COL26A1: variants seen among roughly 807,000 people sequenced by gnomAD.
COL26A1 encodes collagen alpha-1(XXVI) chain.
A neutral mutation model predicts 59.3 loss-of-function variants in COL26A1; 41 were observed. The ratio of observed to expected loss-of-function variants is 0.69; its 90% confidence interval spans 0.54 to 0.90. COL26A1 has a LOEUF of 0.90. COL26A1 is among the 40% of genes least tolerant of loss of function. COL26A1 has a pLI of 0.00. For missense variants in COL26A1, 612 were observed against 602.3 expected (o/e 1.02, Z -0.17); for synonymous variants, 266 against 256.0 (o/e 1.04, Z -0.37).
At chr7:101,496,871 C>A (rs1794600121) in intron 3 of COL26A1, among the ~76,000 whole-genome samples, 3 of 146,414 alleles carry the variant, frequency 2.0e-5, no homozygotes, top group Admixed American at 1.4e-4. Flanking sequence ...CACAGTGAGA[C>A]CCTGTCTCAA....
chr7:101,549,106 T>C (rs1795805459), intron 8 of COL26A1, 65 bp from the exon 9 acceptor site: 3 of 809,762 alleles, frequency 3.7e-6, no homozygotes. Context: ...GAACAGGTGC[T>C]GGGGTGGGAG....
chr7:101,386,059 A>C (rs981933112), intron 1 of COL26A1, among the ~76,000 whole-genome samples: 2 of 152,020 alleles, frequency 1.3e-5, no homozygotes, highest in Non-Finnish European at 2.9e-5. Flanking sequence ...GGAATAAAAA[A>C]CCTCAAAACC....
chr7:101,430,566 GGT>G (rs1188556372), intron 2 of COL26A1, among the ~76,000 whole-genome samples: 1 of 151,802 alleles, frequency 6.6e-6, no homozygotes, highest in African/African-American at 2.4e-5. Context: ...TGGGATTATA[GGT>G]GTGAGTCACC....
chr7:101,510,972 C>T (rs1794910906), intron 3 of COL26A1, among the ~76,000 whole-genome samples: 1 of 146,952 alleles, frequency 6.8e-6, no homozygotes, highest in Non-Finnish European at 1.5e-5. Context: ...ACGATGTCGG[C>T]TCACTGCAAG....
chr7:101,420,692 A>C (rs1002415964), intron 2 of COL26A1, among the ~76,000 whole-genome samples: 2 of 30,324 alleles, frequency 6.6e-5, no homozygotes, highest in South Asian at 8.1e-4. Context: ...CACGCCCCTC[A>C]CCAGCCACAC....
intron 3 of COL26A1, among the ~76,000 whole-genome samples, chr7:101,477,139 C>T (rs777063043): frequency 1.4e-4 from 21 of 152,218 alleles, no homozygotes; most frequent in African/African-American, 3.6e-4. Flanking sequence ...CCACCGAGCC[C>T]GGCCTCTGGT....
chr7:101,449,111 C>T (rs1161897834), intron 3 of COL26A1, among the ~76,000 whole-genome samples: 9 of 152,154 alleles, frequency 5.9e-5, no homozygotes, highest in African/African-American at 2.4e-5. Flanking sequence ...GCTGGGCTAT[C>T]CTTGTTGGAG....
chr7:101,483,909 T>G (rs944929075), intron 3 of COL26A1, among the ~76,000 whole-genome samples: 1 of 151,076 alleles, frequency 6.6e-6, no homozygotes, highest in African/African-American at 2.4e-5. Flanking sequence ...CTCCTGACCT[T>G]GGGATCTGCC....
chr7:101,511,094 G>C (rs1432200467), intron 3 of COL26A1, among the ~76,000 whole-genome samples: 1 of 151,690 alleles, frequency 6.6e-6, no homozygotes, highest in East Asian at 1.9e-4. Flanking sequence ...GTAGAGACAG[G>C]GGTTTCACCA....
At chr7:101,466,690 C>CA in intron 3 of COL26A1, among the ~76,000 whole-genome samples, 1 of 151,670 alleles carries the variant, frequency 6.6e-6, no homozygotes, top group South Asian at 2.1e-4. Flanking sequence ...ACCCTGTCTC[C>CA]AAAAAATATA....
intron 4 of COL26A1, among the ~76,000 whole-genome samples, chr7:101,534,096 C>G (rs899559200): frequency 4.6e-5 from 7 of 152,194 alleles, no homozygotes; most frequent in South Asian, 2.1e-4. Context: ...AGGGATGAGG[C>G]AGCCTCCAAA....
chr7:101,509,660 G>T lies in COL26A1; in HGVS notation c.386-23422G>T, dbSNP rs575557710. The stretch of plus-strand genomic sequence containing the variant: ...CCACCCCCAGAATGGTCTAGGCCCG[G>T]CCAACACGGGTGAGTTGAGGCCCCC... On this transcript the variant is annotated intron_variant, in intron 3 of 12. Transcript: ENST00000313669. 9.9e-5 allele frequency among the ~76,000 whole-genome samples: 15 copies of T among 152,242 alleles called. No homozygotes were observed. The South Asian group carries it at 3.1e-3, about 32-fold the overall frequency.
In COL26A1 at chr7:101,539,988, C is replaced by T. The variant is rs1258245069; in HGVS notation, c.543C>T (p.Leu181=). Residue 181 remains leucine (L), a synonymous_variant, in exon 5 of 13, where the codon CTC becomes CTT. Coordinates refer to ENST00000313669, the MANE Select transcript of COL26A1 (RefSeq NM_001278563.3). The part of the protein sequence containing the change: ...STPPTWNEDF[L]PDAIPLAHPV... ...CGCCGACCTGGAATGAGGACTTCCT[C>T]CCCGACGCCATCCCTCTTGCTCACC... 3.7e-6 allele frequency: 6 copies of T among 1,613,618 alleles called. No individual in the cohort carries two copies. Among genetic ancestry groups the T allele is most frequent in the Middle Eastern group, 3.3e-4 (2 of 6,062 alleles).
chr7:101,483,865 G>A (rs1794209091), intron 3 of COL26A1, among the ~76,000 whole-genome samples: 1 of 151,966 alleles, frequency 6.6e-6, no homozygotes, highest in East Asian at 1.9e-4. Context: ...TAGTAGAGAA[G>A]AGGTTTCACT....
intron 3 of COL26A1, among the ~76,000 whole-genome samples, chr7:101,516,970 G>A (rs1795041382): frequency 6.6e-6 from 1 of 152,260 alleles, no homozygotes; most frequent in Admixed American, 6.5e-5. Flanking sequence ...CTTGGTGAAG[G>A]TCGGTGCCTG....
At chr7:101,447,640 G>C in intron 2 of COL26A1, 44 bp from the exon 3 acceptor site, 3 of 1,314,132 alleles carry the variant, frequency 2.3e-6, no homozygotes, top group Non-Finnish European at 3.2e-6. Context: ...TCTGGAGGTG[G>C]GTGGGTGGGA....
chr7:101,401,767 G>GAGAAGAGGAGGAAGAGGAGGAGGGAGA (rs1792013165), intron 1 of COL26A1, among the ~76,000 whole-genome samples: 1 of 146,740 alleles, frequency 6.8e-6, no homozygotes, highest in African/African-American at 2.6e-5. Context: ...GAGGAGGAGG[G>GAGAAGAGGAGGAAGAGGAGGAGGGAGA]AGAAGAGGAG....
chr7:101,547,020 C>T (rs1027991221), intron 7 of COL26A1, 136 bp from the exon 8 acceptor site: 11 of 590,402 alleles, frequency 1.9e-5, no homozygotes, highest in Middle Eastern at 4.7e-4. Context: ...ACAGTATCTG[C>T]AGCGGGCCCC....
chr7:101,523,949 A>T (rs1417649440), intron 3 of COL26A1, among the ~76,000 whole-genome samples: 2 of 152,010 alleles, frequency 1.3e-5, no homozygotes, highest in Non-Finnish European at 2.9e-5. Flanking sequence ...GGAAGAATTT[A>T]TATATATTTA....
Sources: allele counts gnomAD v4.1 joint callset (sites outside exome capture counted in the v4.1 genomes callset), GRCh38; gene constraint gnomAD v4.1.1; transcripts MANE v1.5; gene names NCBI Gene and HGNC (gene_info 2026-07-23, HGNC 2026-07-21).